The following SNTG1 variants were observed in gnomAD, a reference collection of about 807,000 sequenced individuals.
SNTG1 encodes syntrophin gamma 1.
A neutral mutation model predicts 74.7 loss-of-function variants in SNTG1; 39 were observed. The observed-to-expected ratio is 0.52, with a 90% CI of 0.40 to 0.68. The LOEUF (loss-of-function observed/expected upper bound fraction) is 0.68, where lower values mean the gene tolerates loss of function less well. SNTG1 is among the 30% of genes least tolerant of loss of function. The pLI is 0.00. For synonymous variants in SNTG1, 254 were observed against 217.1 expected (o/e 1.17, Z -1.49); for missense variants, 685 against 609.5 (o/e 1.12, Z -1.30).
intron 8 of SNTG1, among the ~76,000 whole-genome samples, chr8:50,477,721 A>C (rs2093707955): frequency 6.6e-6 from 1 of 152,182 alleles, no homozygotes; most frequent in African/African-American, 2.4e-5. Context: ...TCATATAGGA[A>C]ACCGGATGTG....
intron 5 of SNTG1, among the ~76,000 whole-genome samples, chr8:50,446,046 G>T (rs76688981): frequency 0.025 from 3,808 of 152,242 alleles, 68 homozygotes; most frequent in South Asian, 0.08. Context: ...TCAGGTTCAG[G>T]GCGATGGAGG....
At chr8:50,453,444 A>T (rs957806342) in intron 8 of SNTG1, among the ~76,000 whole-genome samples, 2 of 152,214 alleles carry the variant, frequency 1.3e-5, no homozygotes, top group African/African-American at 4.8e-5. Flanking sequence ...CAGTTTCCTC[A>T]TGAAAGGAAA....
At chr8:50,275,828 A>T (rs980483984) in intron 2 of SNTG1, among the ~76,000 whole-genome samples, 20 of 152,034 alleles carry the variant, frequency 1.3e-4, no homozygotes, top group Admixed American at 1.3e-3. Context: ...TTGTCTTTTC[A>T]GATTTTAGGG....
chr8:50,564,662 AATG>A (rs1302984630), intron 12 of SNTG1, among the ~76,000 whole-genome samples: 1 of 152,090 alleles, frequency 6.6e-6, no homozygotes, highest in African/African-American at 2.4e-5. Flanking sequence ...CTTAGCTTAC[AATG>A]ATATTTAAGA....
intron 1 of SNTG1, among the ~76,000 whole-genome samples, chr8:50,021,186 CAT>C (rs1338867161): frequency 1.3e-5 from 2 of 152,164 alleles, no homozygotes; most frequent in African/African-American, 4.8e-5. Flanking sequence ...GGCAAATTTC[CAT>C]GATTCCAGAG....
intron 15 of SNTG1, among the ~76,000 whole-genome samples, chr8:50,688,502 A>G (rs1318753584): frequency 2.6e-5 from 4 of 152,184 alleles, no homozygotes; most frequent in Admixed American, 6.5e-5. Flanking sequence ...AGCACCATTT[A>G]TTAAATAGGG....
Position 50,446,661 on chromosome 8 carries a change from A to G in SNTG1, c.220-3007A>G, listed in dbSNP as rs1485039921. Among the ~76,000 whole-genome samples, 3 of 152,154 alleles carry G rather than the reference A, an allele frequency of 2.0e-5. No homozygotes were observed. In the East Asian group the frequency reaches 5.8e-4, roughly 29 times the overall value. On this transcript the variant is annotated intron_variant, in intron 5 of 18. Transcript: ENST00000642720. ...CCATTGCACTCCAGCCTGTGAACAG[A>G]GCGAGACTCCCTCTCAAAAAAATAA...
At chr8:50,750,283 T>G (rs75294157) in intron 17 of SNTG1, among the ~76,000 whole-genome samples, 130 of 152,100 alleles carry the variant, frequency 8.5e-4, no homozygotes, top group African/African-American at 3.1e-3. Context: ...ATGATAAAAC[T>G]TTGGTGAGTG....
intron 1 of SNTG1, among the ~76,000 whole-genome samples, chr8:50,082,637 T>A (rs13271983): frequency 1.3e-5 from 2 of 151,972 alleles, no homozygotes; most frequent in African/African-American, 4.8e-5. Flanking sequence ...GATGATGAAT[T>A]TATGAATGTC....
rs568241873 is a variant in SNTG1 at position 50,107,410 on chromosome 8, A to C, written c.-102-65151A>C. Reference sequence around the variant, plus strand: ...TATGATATTTAAAGGTCAATTTTATAAAGTAAGGTGTCTTTAAATACTTCT... The same window carrying C: ...TATGATATTTAAAGGTCAATTTTATCAAGTAAGGTGTCTTTAAATACTTCT... On this transcript the variant is annotated intron_variant, in intron 1 of 18. Transcript: ENST00000642720. Among the ~76,000 whole-genome samples the C allele has an allele frequency of 6.6e-5, 10 of 152,304 alleles. No homozygotes were observed. In the South Asian group the frequency reaches 2.1e-3, roughly 32 times the overall value.
rs113754430 is a variant in SNTG1, at chr8:50,027,673, T to C, written c.-103+115442T>C. ...TGCTGATGCCTTGATTCTAGACTTT[T>C]AGCCTTCCTTACTGTGGAAGAATAA... On this transcript the variant is annotated intron_variant, in intron 1 of 18. Transcript: ENST00000642720. Among the ~76,000 whole-genome samples, 960 of 152,300 alleles carry C rather than the reference T, an allele frequency of 6.3e-3. 11 individuals carry two copies. The highest frequency in any genetic ancestry group is 0.022 in the African/African-American group (915 of 41,570).
chr8:50,484,158 TTCCTTCCTTCCTTCC>T, intron 8 of SNTG1, among the ~76,000 whole-genome samples: 1 of 55,160 alleles, frequency 1.8e-5, no homozygotes, highest in Non-Finnish European at 3.7e-5. Context: ...CTTTCCTTCC[TTCCTTCCTTCCTTCC>T]TTCCTTCCTT....
intron 1 of SNTG1, among the ~76,000 whole-genome samples, chr8:50,080,379 G>T (rs547516600): frequency 5.9e-5 from 9 of 152,006 alleles, no homozygotes; most frequent in Non-Finnish European, 1.0e-4. Context: ...TTTTGTTGAT[G>T]ATATAAAATT....
intron 1 of SNTG1, among the ~76,000 whole-genome samples, chr8:50,133,731 C>T (rs1322323512): frequency 6.6e-6 from 1 of 152,160 alleles, no homozygotes; most frequent in East Asian, 1.9e-4. Flanking sequence ...TGTCTCTTCT[C>T]TTCTTTAAAG....
chr8:50,266,842 A>C (rs2087508377), intron 2 of SNTG1, among the ~76,000 whole-genome samples: 1 of 151,996 alleles, frequency 6.6e-6, no homozygotes, highest in East Asian at 1.9e-4. Flanking sequence ...TTCACTTTGG[A>C]AACTCCACTT....
chr8:50,548,871 A>C (rs1412138689), intron 11 of SNTG1, among the ~76,000 whole-genome samples: 1 of 152,206 alleles, frequency 6.6e-6, no homozygotes, highest in Non-Finnish European at 1.5e-5. Flanking sequence ...GTTGTTAAGA[A>C]GTCCAGTCGA....
chr8:50,038,085 G>C (rs892289286), intron 1 of SNTG1, among the ~76,000 whole-genome samples: 1 of 152,066 alleles, frequency 6.6e-6, no homozygotes, highest in African/African-American at 2.4e-5. Context: ...TCTTTCTTAT[G>C]AATTCATACA....
At position 50,572,027 on chromosome 8, in the gene SNTG1, C is replaced by A. The variant is rs551718895; in HGVS notation, c.810+18848C>A. On this transcript the variant is annotated intron_variant, in intron 12 of 18. Coordinates refer to ENST00000642720, the MANE Select transcript of SNTG1 (RefSeq NM_018967.5). Reference sequence around the variant, plus strand: ...GTGCATTTCATTTATAGAATACTGGCTAATAATATACCAATGGTAAAACTA... The same window carrying A: ...GTGCATTTCATTTATAGAATACTGGATAATAATATACCAATGGTAAAACTA... Among the ~76,000 whole-genome samples the A allele has an allele frequency of 4.6e-5, 7 of 152,160 alleles. No homozygotes were observed. In the South Asian group the frequency reaches 1.5e-3, roughly 32 times the overall value.
intron 13 of SNTG1, among the ~76,000 whole-genome samples, chr8:50,593,236 AG>A (rs1258812976): frequency 1.3e-5 from 2 of 152,192 alleles, no homozygotes; most frequent in African/African-American, 4.8e-5. Context: ...AAACATAGGG[AG>A]AAAGCCACTG....
Sources: gnomAD v4.1 joint callset for allele counts (sites outside exome capture counted in the v4.1 genomes callset) on GRCh38, gnomAD v4.1.1 for gene constraint, MANE v1.5 for transcripts, NCBI Gene and HGNC (gene_info 2026-07-23, HGNC 2026-07-21) for gene names.